Variants in AK8 observed in about 807,000 individuals in gnomAD.
The protein encoded by AK8 is ATP-AMP transphosphorylase 8.
In AK8, 44 loss-of-function variants were observed where a neutral mutation model predicts 54.6. The ratio of observed to expected loss-of-function variants is 0.81; its 90% CI spans 0.63 to 1.04. The LOEUF is 1.04. AK8 is among the 50% of genes least tolerant of loss of function. The pLI is 0.00. For missense variants in AK8, 555 were observed against 613.6 expected, an observed-to-expected ratio of 0.90 and a Z score of 1.01; for synonymous variants, 239 against 245.6, an observed-to-expected ratio of 0.97 and a Z score of 0.25.
In AK8 at chr9:132,781,429, TTATA is replaced by T. The variant is rs1170432697; in HGVS notation, c.1121+11201_1121+11204del. Reference sequence around the variant, plus strand: ...CCATTTATTAGCTCTAAGAAGAGATTTATATTTGACAAGGAGACAATAGCTTTGT... The same window carrying T: ...CCATTTATTAGCTCTAAGAAGAGATTTTTGACAAGGAGACAATAGCTTTGT... On this transcript the variant is annotated intron_variant, in intron 11 of 12. Transcript: ENST00000298545. This position sits in a 1 kb window ranked among gnomAD's most constrained non-coding sequence, Gnocchi z 4.6. 6.6e-6 allele frequency among the ~76,000 whole-genome samples: 1 copy of T among 152,190 alleles called. No individual in the cohort carries two copies. Among genetic ancestry groups the T allele is most frequent in the African/African-American group, 2.4e-5 (1 of 41,422 alleles).
intron 8 of AK8, among the ~76,000 whole-genome samples, chr9:132,825,000 C>T (rs1296026518): frequency 1.3e-5 from 2 of 152,212 alleles, no homozygotes; most frequent in Non-Finnish European, 2.9e-5. Flanking sequence ...CCCAAACCAC[C>T]TGCCATGGGT....
intron 11 of AK8, among the ~76,000 whole-genome samples, chr9:132,774,430 G>A (rs1055905822): frequency 3.3e-5 from 5 of 152,106 alleles, no homozygotes; most frequent in African/African-American, 9.7e-5. Context: ...TTAGGAAGAA[G>A]AGCTTCAAGC....
rs371748262 is a variant in AK8, at chr9:132,869,235, G to A, written c.170-2282C>T. ...TATCTATCTATCTATCTATCCCAGC[G>A]TGGCTCATAAGAGTCCTGCACAGGC... On this transcript the variant is annotated intron_variant, in intron 2 of 12. Coordinates refer to ENST00000298545, the MANE Select transcript of AK8 (RefSeq NM_152572.3). 2.6e-5 allele frequency among the ~76,000 whole-genome samples: 4 copies of A among 152,218 alleles called. No homozygotes were observed. The East Asian group carries it at 7.7e-4, about 29-fold the overall frequency.
At chr9:132,846,514 T>C (rs1195057087) in intron 5 of AK8, among the ~76,000 whole-genome samples, 1 of 35,160 alleles carries the variant, frequency 2.8e-5, no homozygotes, top group African/African-American at 6.2e-5. Context: ...GATGAATGAA[T>C]GAATGAATGA....
At chr9:132,836,221 C>T (rs1438253725) in intron 5 of AK8, among the ~76,000 whole-genome samples, 1 of 152,216 alleles carries the variant, frequency 6.6e-6, no homozygotes, top group South Asian at 2.1e-4. Flanking sequence ...TCCGGGAGTT[C>T]GAGGCTGCAG....
chr9:132,744,695 GA>G (rs1293355656), intron 11 of AK8, among the ~76,000 whole-genome samples: 12 of 152,202 alleles, frequency 7.9e-5, no homozygotes, highest in Non-Finnish European at 1.6e-4. Flanking sequence ...GTGTCCCCAG[GA>G]AACTGGGAAA....
chr9:132,784,433 C>T (rs1243832179), intron 11 of AK8, among the ~76,000 whole-genome samples: 2 of 152,084 alleles, frequency 1.3e-5, no homozygotes, highest in Non-Finnish European at 2.9e-5. Flanking sequence ...GCAGGAGAAT[C>T]GCTTGAAGTC....
At chr9:132,840,825 G>A (rs1411173635) in intron 5 of AK8, among the ~76,000 whole-genome samples, 5 of 152,100 alleles carry the variant, frequency 3.3e-5, no homozygotes, top group Non-Finnish European at 1.5e-5. Flanking sequence ...CCCAGGAGGC[G>A]GAGGTTGCAG....
chr9:132,831,558 C>T (rs567081685), intron 5 of AK8, among the ~76,000 whole-genome samples: 13 of 152,226 alleles, frequency 8.5e-5, no homozygotes, highest in Non-Finnish European at 1.5e-4. Context: ...GTGTAGGAAG[C>T]GGGGTCAGGC....
At chr9:132,730,242 G>A (rs1026529662) in intron 11 of AK8, among the ~76,000 whole-genome samples, 29 of 152,166 alleles carry the variant, frequency 1.9e-4, no homozygotes, top group African/African-American at 6.8e-4. Flanking sequence ...GCTGCCAAGA[G>A]GCCGCGCTTT....
chr9:132,775,523 G>A (rs113879274), intron 11 of AK8, among the ~76,000 whole-genome samples: 3 of 151,976 alleles, frequency 2.0e-5, no homozygotes, highest in African/African-American at 7.3e-5. Context: ...GTCTGGTCTC[G>A]AACCACTGAC....
At chr9:132,738,300 G>A (rs1443201945) in intron 11 of AK8, among the ~76,000 whole-genome samples, 2 of 152,024 alleles carry the variant, frequency 1.3e-5, no homozygotes, top group Non-Finnish European at 2.9e-5. Context: ...TGATCTGCCC[G>A]CCTCAGCCTC....
chr9:132,872,195 G>A (rs117345235), intron 2 of AK8, among the ~76,000 whole-genome samples: 1 of 152,028 alleles, frequency 6.6e-6, no homozygotes, highest in Non-Finnish European at 1.5e-5. Flanking sequence ...AATTAGCCAG[G>A]CGCAGTAGCA....
intron 2 of AK8, among the ~76,000 whole-genome samples, chr9:132,870,915 G>A (rs1372316301): frequency 6.6e-6 from 1 of 152,196 alleles, no homozygotes; most frequent in Non-Finnish European, 1.5e-5. Flanking sequence ...ATGAGGATTG[G>A]GCTTAGCTGA....
intron 11 of AK8, among the ~76,000 whole-genome samples, chr9:132,732,896 A>T (rs1836918119): frequency 6.6e-6 from 1 of 152,172 alleles, no homozygotes; most frequent in Non-Finnish European, 1.5e-5. Context: ...ACTTGCTTCT[A>T]GAAAATGTGT....
chr9:132,768,968 A>T (rs1838838874), intron 11 of AK8: 1 of 151,948 alleles, frequency 6.6e-6, no homozygotes, highest in African/African-American at 2.4e-5. Context: ...GGCTTCCTTA[A>T]TTGGTCCAAT....
chr9:132,751,612 C>A lies in AK8; in HGVS notation c.1122-24078G>T, dbSNP rs768973146. On this transcript the variant is annotated intron_variant, in intron 11 of 12. Coordinates refer to ENST00000298545, the MANE Select transcript of AK8 (RefSeq NM_152572.3). ...AAGTCTATGATTCCAGCCGAGAAGCCTGTGACATCCTGGTGGCATCTCCCC... is the reference window on the plus strand; with the variant it reads ...AAGTCTATGATTCCAGCCGAGAAGCATGTGACATCCTGGTGGCATCTCCCC... Among the ~76,000 whole-genome samples the A allele has an allele frequency of 3.8e-4, 58 of 151,582 alleles. 1 individual carries two copies. The highest frequency in any genetic ancestry group is 7.2e-4 in the Non-Finnish European group (49 of 67,764).
intron 9 of AK8, 103 bp downstream of exon 9, chr9:132,823,102 T>C: frequency 1.4e-6 from 2 of 1,449,916 alleles, no homozygotes; most frequent in East Asian, 2.5e-5. Context: ...ATACTGACCC[T>C]TCCCCCCCAA....
intron 5 of AK8, among the ~76,000 whole-genome samples, chr9:132,829,547 C>T (rs965553477): frequency 6.6e-6 from 1 of 151,826 alleles, no homozygotes; most frequent in African/African-American, 2.4e-5. Flanking sequence ...CAAAACCCCA[C>T]TTTTGTTTTC....
Sources: allele counts gnomAD v4.1 joint callset (sites outside exome capture counted in the v4.1 genomes callset), GRCh38; gene constraint gnomAD v4.1.1; non-coding constraint Gnocchi (gnomAD v3.1); transcripts MANE v1.5; gene names NCBI Gene and HGNC (gene_info 2026-07-23, HGNC 2026-07-21).